PATL1: variants seen among roughly 807,000 people sequenced by gnomAD.
PATL1 encodes protein PAT1 homolog 1.
In PATL1, 32 loss-of-function variants were observed where a neutral mutation model predicts 100.6. That is an observed-to-expected ratio of 0.32 (90% CI 0.24 to 0.43). The LOEUF (loss-of-function observed/expected upper bound fraction) is 0.43. Among genes scored for constraint, PATL1 ranks in the 20% least tolerant of loss-of-function variants. The pLI is 1.00. For missense variants in PATL1, 747 were observed against 949.9 expected, an observed-to-expected ratio of 0.79 and a Z score of 2.81; for synonymous variants, 332 against 330.0, an observed-to-expected ratio of 1.01 and a Z score of -0.07.
rs1861242077 is a variant in PATL1, at chr11:59,639,363, G to A, written c.2070C>T (p.Leu690=). ...LQNKFGLSLL[L]ILLSRGEDLQ... The stretch of plus-strand genomic sequence containing the variant: ...GGTCTTCACCACGGCTCAGGAGGAT[G>A]AGGAGCAGTGACAGGCCAAACTACG... Residue 690 remains leucine, a synonymous_variant, in exon 17 of 19, where the codon CTC becomes CTT. Transcript: ENST00000300146. The A allele has an allele frequency of 1.9e-6, 3 of 1,549,996 alleles. No individual in the cohort carries two copies. Among genetic ancestry groups the A allele is most frequent in the East Asian group, 2.4e-5 (1 of 40,942 alleles).
chr11:59,654,721 A>G (rs944642595), intron 8 of PATL1, among the ~76,000 whole-genome samples: 3 of 152,190 alleles, frequency 2.0e-5, no homozygotes, highest in Non-Finnish European at 2.9e-5. Flanking sequence ...CATTAAAGAT[A>G]TATGTGTGAC....
intron 2 of PATL1, among the ~76,000 whole-genome samples, chr11:59,661,219 G>C (rs530571709): frequency 1.8e-4 from 27 of 152,062 alleles, no homozygotes; most frequent in Non-Finnish European, 3.1e-4. Context: ...CCAAGTAACT[G>C]GAACTACAGG....
chr11:59,668,556 G>A (rs530729550), intron 1 of PATL1, among the ~76,000 whole-genome samples: 1 of 151,610 alleles, frequency 6.6e-6, no homozygotes, highest in Non-Finnish European at 1.5e-5. Flanking sequence ...AGCACCCGGG[G>A]AGATGCAGTG....
rs1444786867 is a variant in PATL1, at chr11:59,639,303, T to C, written c.2130A>G (p.Gln710=). 2.4e-5 allele frequency: 37 copies of C among 1,552,880 alleles called. No homozygotes were observed. Among genetic ancestry groups the C allele is most frequent in the Non-Finnish European group, 3.1e-5 (36 of 1,147,708 alleles). The change falls in exon 17 of 19, where the codon CAA becomes CAG. Residue 710 remains glutamine (Q), a synonymous_variant. Coordinates refer to ENST00000300146, the MANE Select transcript of PATL1 (RefSeq NM_152716.3). ...CAGTCCACACTGACCACTGATTATTTTGTGTTGATTCTGTAGCAGGGTCTG... is the reference window on the plus strand; with the variant it reads ...CAGTCCACACTGACCACTGATTATTCTGTGTTGATTCTGTAGCAGGGTCTG... The part of the protein sequence containing the change: ...QSSDPATEST[Q]NNQWTEVMFM...
intron 11 of PATL1, 27 bp downstream of exon 11, chr11:59,652,437 T>C (rs1238555424): frequency 1.9e-6 from 3 of 1,587,436 alleles, no homozygotes; most frequent in Non-Finnish European, 2.6e-6. Context: ...TCTTTTATTA[T>C]GGGCATTTTT....
chr11:59,645,771 T>C (rs1012029542), intron 15 of PATL1, among the ~76,000 whole-genome samples: 1 of 152,230 alleles, frequency 6.6e-6, no homozygotes, highest in Non-Finnish European at 1.5e-5. Context: ...TATGAGTCTC[T>C]TGAAGTTGGT....
chr11:59,659,521 G>C (rs1428490335), intron 2 of PATL1, 52 bp from the exon 3 acceptor site: 2 of 1,417,862 alleles, frequency 1.4e-6, no homozygotes, highest in African/African-American at 2.9e-5. Context: ...GTACAAAAAA[G>C]TTTTACACAA....
At chr11:59,665,769 G>A (rs140098426) in intron 2 of PATL1, among the ~76,000 whole-genome samples, 3,432 of 152,260 alleles carry the variant, frequency 0.023, 126 homozygotes, top group African/African-American at 0.079. Context: ...CTAGGTGACA[G>A]AGCAAGACTC....
chr11:59,647,237 A>C (rs912274936), intron 15 of PATL1, among the ~76,000 whole-genome samples: 3 of 151,630 alleles, frequency 2.0e-5, no homozygotes, highest in Non-Finnish European at 4.4e-5. Flanking sequence ...AAAAAAAAAA[A>C]AAAAAAACCA....
Position 59,639,157 on chromosome 11 carries a change from T to A in PATL1, c.2182A>T (p.Ile728Phe). 1 of 1,613,950 alleles carries A rather than the reference T, an allele frequency of 6.2e-7. No homozygotes were observed. Among genetic ancestry groups the A allele is most frequent in the Non-Finnish European group, 8.5e-7 (1 of 1,179,894 alleles). The change falls in exon 18 of 19, where the codon ATT becomes TTT. Residue 728 changes from isoleucine to phenylalanine, a missense_variant. Ile to Phe is a conservative substitution (Grantham distance 21, BLOSUM62 0). Transcript: ENST00000300146. The stretch of plus-strand genomic sequence containing the variant: ...GGCTTGGCCAGGGCTGCTTGGGGAA[T>A]CCGCAGAAGTTCTCGTGTTGCCATG... ...MFMATRELLR[I>F]PQAALAKPIS...
intron 15 of PATL1, among the ~76,000 whole-genome samples, chr11:59,645,040 T>C (rs865911954): frequency 2.1e-5 from 3 of 144,274 alleles, no homozygotes; most frequent in Non-Finnish European, 4.5e-5. Context: ...TTTTTTTTTT[T>C]AATCCATTCA....
intron 1 of PATL1, among the ~76,000 whole-genome samples, chr11:59,667,661 G>A (rs1363116284): frequency 6.6e-6 from 1 of 152,206 alleles, no homozygotes; most frequent in South Asian, 2.1e-4. Flanking sequence ...TAGGCTGTAA[G>A]GCTCAATGTC....
chr11:59,640,126 G>A (rs1861255480), intron 16 of PATL1, among the ~76,000 whole-genome samples: 1 of 151,946 alleles, frequency 6.6e-6, no homozygotes, highest in African/African-American at 2.4e-5. Flanking sequence ...TGGATGACCT[G>A]AGGTCAGGAG....
At chr11:59,639,507 T>G (rs912313811) in intron 16 of PATL1, 124 bp from the exon 17 acceptor site, 32 of 709,682 alleles carry the variant, frequency 4.5e-5, no homozygotes, top group Non-Finnish European at 7.3e-5. Flanking sequence ...CTACTGTGCT[T>G]TTCTGTAAAA....
In PATL1 at chr11:59,659,330, C is replaced by A; in HGVS notation, c.267G>T (p.Arg89Ser). Residue 89 changes from arginine (R) to serine (S), a missense_variant, in exon 3 of 19, where the codon AGG (arginine) becomes AGT (serine). By Grantham distance (110) the Arg-to-Ser change is moderately radical (BLOSUM62 -1). This residue lies in a region of PATL1 where 183 missense variants were observed against 221.2 expected (regional missense o/e 0.83). Transcript: ENST00000300146. ...CATTTTCAATCACCATCTTACTGAG[C>A]CTTTCTGCCAGATTCTCCTCATGGT... is the stretch of plus-strand genomic sequence containing the variant. ...LGDHEENLAE[R>S]LSKMVIENEL... 1 of 1,551,276 alleles carries A rather than the reference C, an allele frequency of 6.4e-7. No homozygotes were observed. The highest frequency in any genetic ancestry group is 1.4e-5 in the African/African-American group (1 of 73,006).
chr11:59,664,658 T>G (rs1230532709), intron 2 of PATL1, among the ~76,000 whole-genome samples: 3 of 152,196 alleles, frequency 2.0e-5, no homozygotes, highest in Non-Finnish European at 4.4e-5. Flanking sequence ...GATGCAGCCC[T>G]GAACTCCTGG....
intron 1 of PATL1, among the ~76,000 whole-genome samples, chr11:59,667,307 CAATT>C (rs1861704938): frequency 6.6e-6 from 1 of 152,162 alleles, no homozygotes; most frequent in Non-Finnish European, 1.5e-5. Flanking sequence ...ATACTGATGA[CAATT>C]AATAATGAAC....
At chr11:59,648,933 G>A (rs1861401773) in intron 14 of PATL1, among the ~76,000 whole-genome samples, 1 of 152,156 alleles carries the variant, frequency 6.6e-6, no homozygotes, top group African/African-American at 2.4e-5. Flanking sequence ...TGAATACATC[G>A]AATAAGTATT....
At chr11:59,647,222 C>CAAAA (rs1175300355) in intron 15 of PATL1, among the ~76,000 whole-genome samples, 931 of 60,384 alleles carry the variant, frequency 0.015, 21 homozygotes, top group African/African-American at 0.052. Flanking sequence ...AACTCTGTCT[C>CAAAA]AAAAAAAAAA....
Sources: gnomAD v4.1 joint callset for allele counts (sites outside exome capture counted in the v4.1 genomes callset) on GRCh38, gnomAD v4.1.1 for gene constraint, gnomAD v4.1.1 regional missense constraint, MANE v1.5 for transcripts, NCBI Gene and HGNC (gene_info 2026-07-23, HGNC 2026-07-21) for gene names.